CDKAL1: variants seen among roughly 807,000 people sequenced by gnomAD.
CDKAL1 encodes threonylcarbamoyladenosine tRNA methylthiotransferase.
CDKAL1 carries 32 observed loss-of-function variants against 68.2 expected under a neutral mutation model. The observed-to-expected ratio is 0.47, with a 90% CI of 0.35 to 0.63. The LOEUF is 0.63. Among genes scored for constraint, CDKAL1 ranks in the 30% least tolerant of loss-of-function variants. CDKAL1 has a pLI of 0.00. For synonymous variants in CDKAL1, 234 were observed against 244.3 expected (o/e 0.96, Z 0.39); for missense variants, 606 against 696.7 (o/e 0.87, Z 1.47).
chr6:20,798,689 C>T (rs1776219314), intron 8 of CDKAL1, among the ~76,000 whole-genome samples: 1 of 145,448 alleles, frequency 6.9e-6, no homozygotes, highest in Middle Eastern at 3.6e-3. Context: ...CGCATGTTCT[C>T]ACTCGTAGGT....
At chr6:20,619,470 T>C (rs1767079994) in intron 4 of CDKAL1, among the ~76,000 whole-genome samples, 1 of 152,234 alleles carries the variant, frequency 6.6e-6, no homozygotes, top group Admixed American at 6.5e-5. Context: ...CTAAACATTA[T>C]GTTGTATGTG....
In CDKAL1 at chr6:21,108,458, C is replaced by CA; in HGVS notation, c.1295dup (p.His432GlnfsTer5). The CA allele has an allele frequency of 6.3e-7, 1 of 1,595,208 alleles. No homozygotes were observed. The highest frequency in any genetic ancestry group is 8.6e-7 in the Non-Finnish European group (1 of 1,169,260). ...GTTTCATTCTTACAGTCCATATGAT[C>CA]ACAAGGTAAGAGAAGCATGTTAATA... On this transcript the variant is annotated frameshift_variant, in exon 13 of 16. Transcript: ENST00000274695. LOFTEE classifies it high-confidence loss of function.
intron 15 of CDKAL1, among the ~76,000 whole-genome samples, chr6:21,215,670 C>A (rs897066551): frequency 6.6e-6 from 1 of 152,102 alleles, no homozygotes; most frequent in Non-Finnish European, 1.5e-5. Flanking sequence ...GCTAAGGGAC[C>A]TTGTCATAGT....
chr6:21,072,554 C>CAAAAAAAAAAAAA lies in CDKAL1; in HGVS notation c.1236+7340_1236+7352dup, dbSNP rs71540611. Reference sequence around the variant, plus strand: ...TGGGCGACTGAGCGAGACTCCGTCTCAAAAAAAAAAAAAAAAAAAAAAAAA... The same window carrying CAAAAAAAAAAAAA: ...TGGGCGACTGAGCGAGACTCCGTCTCAAAAAAAAAAAAAAAAAAAAAAAAAAAAAAAAAAAAAA... On this transcript the variant is annotated intron_variant, in intron 12 of 15. Transcript: ENST00000274695. 1.4e-3 allele frequency among the ~76,000 whole-genome samples: 64 copies of CAAAAAAAAAAAAA among 44,488 alleles called. 3 individuals are homozygous for CAAAAAAAAAAAAA. The highest frequency in any genetic ancestry group is 0.02 in the Middle Eastern group (1 of 50). The allele number at this position is 44,488 out of a possible 152,430, so 29.2% of individuals were successfully genotyped here. A position where few individuals can be genotyped will look rare whatever the true frequency, so the allele number is the denominator to read the frequency against.
At chr6:20,667,949 G>T (rs1311568853) in intron 5 of CDKAL1, among the ~76,000 whole-genome samples, 2 of 152,074 alleles carry the variant, frequency 1.3e-5, no homozygotes, top group Non-Finnish European at 2.9e-5. Flanking sequence ...CTTCATTACA[G>T]CTCTGATGTT....
intron 5 of CDKAL1, among the ~76,000 whole-genome samples, chr6:20,703,741 A>G (rs1021083523): frequency 6.6e-6 from 1 of 152,138 alleles, no homozygotes; most frequent in Non-Finnish European, 1.5e-5. Context: ...AAAAATTAGT[A>G]AAAAATTTTT....
intron 11 of CDKAL1, among the ~76,000 whole-genome samples, chr6:21,059,806 G>C (rs977009399): frequency 7.2e-5 from 11 of 152,042 alleles, no homozygotes; most frequent in Non-Finnish European, 1.6e-4. Context: ...GTGGTTTCTG[G>C]TTACATGGAT....
At chr6:20,996,842 T>G (rs1767145707) in intron 10 of CDKAL1, among the ~76,000 whole-genome samples, 1 of 152,234 alleles carries the variant, frequency 6.6e-6, no homozygotes, top group Non-Finnish European at 1.5e-5. Flanking sequence ...AAATGATGTA[T>G]GCCTGTACTT....
intron 6 of CDKAL1, among the ~76,000 whole-genome samples, chr6:20,746,296 T>C: frequency 6.6e-6 from 1 of 152,212 alleles, no homozygotes; most frequent in East Asian, 1.9e-4. Context: ...TCATGTAACT[T>C]CTGTTGAAAG....
At chr6:21,211,864 C>T (rs556332478) in intron 15 of CDKAL1, among the ~76,000 whole-genome samples, 22 of 152,188 alleles carry the variant, frequency 1.4e-4, no homozygotes, top group Middle Eastern at 3.4e-3. Flanking sequence ...CTCAAGTGAT[C>T]CTCCCACCTC....
At chr6:20,996,420 G>A (rs556898001) in intron 10 of CDKAL1, among the ~76,000 whole-genome samples, 3 of 152,284 alleles carry the variant, frequency 2.0e-5, no homozygotes, top group East Asian at 1.9e-4. Flanking sequence ...AGTGAGAAAC[G>A]TGGGACTTTT....
chr6:20,711,291 G>T (rs1282105779), intron 5 of CDKAL1, among the ~76,000 whole-genome samples: 2 of 152,154 alleles, frequency 1.3e-5, no homozygotes, highest in Non-Finnish European at 2.9e-5. Context: ...AATATTTCGA[G>T]TATGTCATTA....
intron 5 of CDKAL1, among the ~76,000 whole-genome samples, chr6:20,676,690 T>G: frequency 7.1e-6 from 1 of 140,420 alleles, no homozygotes; most frequent in South Asian, 2.1e-4. Flanking sequence ...AATAAATAAA[T>G]AAATAAATAA....
At chr6:21,139,776 G>A (rs1256524369) in intron 13 of CDKAL1, among the ~76,000 whole-genome samples, 1 of 152,074 alleles carries the variant, frequency 6.6e-6, no homozygotes, top group Non-Finnish European at 1.5e-5. Flanking sequence ...GCAAAGTGCT[G>A]GGATTACAAA....
In CDKAL1 at chr6:20,662,309, G is replaced by A. The variant is rs1581917380; in HGVS notation, c.371+12932G>A. ...GTGTCGTTCTCTGGGCCACATTAAT[G>A]AAGTTATTTAGATTGTAGGCTATAT... is the stretch of plus-strand genomic sequence containing the variant. On this transcript the variant is annotated intron_variant, in intron 5 of 15. Transcript: ENST00000274695. 2.0e-5 allele frequency among the ~76,000 whole-genome samples: 3 copies of A among 152,208 alleles called. No individual in the cohort carries two copies. In the East Asian group the frequency reaches 5.8e-4, roughly 29 times the overall value.
chr6:21,201,507 G>A (rs1010437550), intron 15 of CDKAL1, among the ~76,000 whole-genome samples: 3 of 152,178 alleles, frequency 2.0e-5, no homozygotes, highest in Non-Finnish European at 4.4e-5. Flanking sequence ...TTCCAGTTTA[G>A]AAGCAGGGGG....
At chr6:20,616,307 A>G (rs1265452082) in intron 4 of CDKAL1, among the ~76,000 whole-genome samples, 1 of 150,322 alleles carries the variant, frequency 6.7e-6, no homozygotes. Context: ...GTTTTTTCCA[A>G]TTCTGTGAAG....
intron 4 of CDKAL1, among the ~76,000 whole-genome samples, chr6:20,573,550 A>C (rs1226936358): frequency 6.6e-6 from 1 of 152,202 alleles, no homozygotes; most frequent in Non-Finnish European, 1.5e-5. Context: ...AGTAGATGCC[A>C]TACTTTTACT....
chr6:20,699,688 G>C (rs1193418518), intron 5 of CDKAL1, among the ~76,000 whole-genome samples: 1 of 152,112 alleles, frequency 6.6e-6, no homozygotes, highest in African/African-American at 2.4e-5. Context: ...TAACTTAGGA[G>C]AATAAAAGCT....
Sources: allele counts gnomAD v4.1 joint callset (sites outside exome capture counted in the v4.1 genomes callset), GRCh38; gene constraint gnomAD v4.1.1; transcripts MANE v1.5; gene names NCBI Gene and HGNC (gene_info 2026-07-23, HGNC 2026-07-21).